The following SREBF2 variants were observed in gnomAD, a reference collection of about 807,000 sequenced individuals.
The protein encoded by SREBF2 is sterol regulatory element binding transcription factor 2, also known as sterol regulatory element-binding protein 2.
In SREBF2, 55 loss-of-function variants were observed where a neutral mutation model predicts 113.1. That is an observed-to-expected ratio of 0.49 (90% CI 0.39 to 0.61). SREBF2 has a LOEUF of 0.61. SREBF2 is among the 20% of genes least tolerant of loss of function. The pLI is 0.00. For synonymous variants in SREBF2, 593 were observed against 605.7 expected (o/e 0.98, Z 0.31); for missense variants, 1,349 against 1,487.4 (o/e 0.91, Z 1.53).
intron 1 of SREBF2, among the ~76,000 whole-genome samples, chr22:41,855,294 G>T (rs912390819): frequency 6.6e-6 from 1 of 152,170 alleles, no homozygotes; most frequent in African/African-American, 2.4e-5. Context: ...AGACTGAGGC[G>T]AGTGGATCAC....
intron 8 of SREBF2, 95 bp downstream of exon 8, chr22:41,877,516 C>G (rs1039213387): frequency 7.0e-7 from 1 of 1,420,162 alleles, no homozygotes. Context: ...GCTACCAGGT[C>G]CCAAAGGGCT....
chr22:41,866,935 G>GGCAGCAGTGGCAGCA lies in SREBF2; in HGVS notation c.201_215dup (p.Gly68_Ser72dup). On this transcript the variant is annotated inframe_insertion, in exon 2 of 19. Coordinates refer to ENST00000361204, the MANE Select transcript of SREBF2 (RefSeq NM_004599.4). ...CAGTGGTGGTAGTGGTAGCAGCAGC[G>GGCAGCAGTGGCAGCA]GCAGCAGTGGCAGCAGCAGCAGCAG... 6.2e-7 allele frequency: 1 copy of GGCAGCAGTGGCAGCA among 1,613,172 alleles called. No individual in the cohort carries two copies. The highest frequency in any genetic ancestry group is 1.1e-5 in the South Asian group (1 of 91,072).
chr22:41,841,651 C>G (rs768111387), intron 1 of SREBF2, among the ~76,000 whole-genome samples: 2 of 152,082 alleles, frequency 1.3e-5, no homozygotes, highest in Non-Finnish European at 2.9e-5. Flanking sequence ...TTGCTTCTTT[C>G]TCAACTAGAT....
rs774921535 is a variant in SREBF2 at position 41,894,923 on chromosome 22, G to A, written c.2481G>A (p.Gln827=). Residue 827 remains glutamine, a synonymous_variant, in exon 13 of 19, where the codon CAG becomes CAA. Transcript: ENST00000361204. ...AGGCCAAGAAGAAGGCTGGAGACCA[G>A]GAAGAAGAGAGCTGGTAAAGTCCCC... The part of the protein sequence containing the change: ...KPQAKKKAGD[Q]EEESCEFSSA... The A allele has an allele frequency of 2.0e-5, 33 of 1,613,792 alleles. No homozygotes were observed. The highest frequency in any genetic ancestry group is 2.8e-5 in the Non-Finnish European group (33 of 1,179,980).
intron 1 of SREBF2, among the ~76,000 whole-genome samples, chr22:41,844,480 A>C (rs1009807211): frequency 6.6e-6 from 1 of 152,222 alleles, no homozygotes; most frequent in Non-Finnish European, 1.5e-5. Flanking sequence ...CTTTGTTGAC[A>C]TGATGGAATT....
intron 16 of SREBF2, 22 bp from the exon 17 acceptor site, chr22:41,902,946 CCT>C (rs2077477119): frequency 6.2e-7 from 1 of 1,602,182 alleles, no homozygotes; most frequent in Non-Finnish European, 8.5e-7. Context: ...ACCTGTCTCC[CCT>C]CTCTCGTGGC....
rs183867270 is a variant in SREBF2, at chr22:41,877,439, G to T, written c.1579+18G>T. The T allele has an allele frequency of 1.2e-6, 2 of 1,613,376 alleles. No homozygotes were observed. The highest frequency in any genetic ancestry group is 3.3e-5 in the Admixed American group (2 of 59,930). Reference sequence around the variant, plus strand: ...CGAGTCAGGTAGGTGGAGGCCCCTTGCCCCACCTGGGCATGGCTGGACCAC... The same window carrying T: ...CGAGTCAGGTAGGTGGAGGCCCCTTTCCCCACCTGGGCATGGCTGGACCAC... On this transcript the variant is annotated intron_variant, in intron 8 of 18. Coordinates refer to ENST00000361204, the MANE Select transcript of SREBF2 (RefSeq NM_004599.4).
intron 4 of SREBF2, 178 bp from the exon 5 acceptor site, chr22:41,873,620 G>A: frequency 1.5e-6 from 1 of 649,344 alleles, no homozygotes; most frequent in Non-Finnish European, 2.8e-6. Flanking sequence ...AGTAACCAAG[G>A]TTCCGTGGCT....
chr22:41,895,038 A>G (rs1422811725), intron 13 of SREBF2, 101 bp downstream of exon 13: 2 of 915,730 alleles, frequency 2.2e-6, no homozygotes, highest in African/African-American at 1.6e-5. Flanking sequence ...CAAGCCTGGC[A>G]TCGGGTTGGC....
intron 10 of SREBF2, among the ~76,000 whole-genome samples, chr22:41,883,492 C>T (rs2077269379): frequency 6.6e-6 from 1 of 152,180 alleles, no homozygotes. Context: ...ACAGAATAAG[C>T]CCATACTCAG....
Position 41,860,775 on chromosome 22 carries a change from A to G in SREBF2, c.89-6056A>G, listed in dbSNP as rs781678911. ...GTGATGCATGCTTGTAGTCCCAGCT[A>G]CTCAGGAGTCTGAGGTGGGAGGATT... On this transcript the variant is annotated intron_variant, in intron 1 of 18. Transcript: ENST00000361204. Among the ~76,000 whole-genome samples, 148 of 152,092 alleles carry G rather than the reference A, an allele frequency of 9.7e-4. 1 individual carries two copies. Among genetic ancestry groups the G allele is most frequent in the Non-Finnish European group, 3.7e-4 (25 of 68,016 alleles).
chr22:41,894,564 C>T (rs1285382511), intron 12 of SREBF2, among the ~76,000 whole-genome samples: 1 of 152,094 alleles, frequency 6.6e-6, no homozygotes, highest in Non-Finnish European at 1.5e-5. Flanking sequence ...AGCACTGTGC[C>T]AGGAGACACA....
At chr22:41,900,924 G>A (rs759110644) in intron 16 of SREBF2, 12 of 536,966 alleles carry the variant, frequency 2.2e-5, no homozygotes, top group African/African-American at 7.6e-5. Context: ...TTGGCTGGCC[G>A]CATACCTCCT....
intron 15 of SREBF2, 181 bp downstream of exon 15, chr22:41,898,962 C>A (rs550026009): frequency 5.7e-6 from 5 of 881,900 alleles, no homozygotes; most frequent in Non-Finnish European, 8.9e-6. Flanking sequence ...GCCAGCAGGT[C>A]CTCTGTGCAA....
At chr22:41,867,664 G>A (rs1416443290) in intron 2 of SREBF2, among the ~76,000 whole-genome samples, 1 of 152,144 alleles carries the variant, frequency 6.6e-6, no homozygotes, top group Non-Finnish European at 1.5e-5. Context: ...AAAATTAGCC[G>A]GGCATGGTGG....
chr22:41,871,176 C>A, intron 4 of SREBF2, 141 bp downstream of exon 4: 1 of 1,191,620 alleles, frequency 8.4e-7, no homozygotes, highest in Non-Finnish European at 1.2e-6. Flanking sequence ...AAATGTCACC[C>A]CTCTTAGTTG....
intron 3 of SREBF2, among the ~76,000 whole-genome samples, chr22:41,870,056 A>G (rs1247539842): frequency 6.6e-6 from 1 of 151,900 alleles, no homozygotes; most frequent in African/African-American, 2.4e-5. Flanking sequence ...GGGTTTCACC[A>G]TGTTGGTTAG....
chr22:41,886,904 T>A (rs1355748732), intron 11 of SREBF2, among the ~76,000 whole-genome samples: 1 of 152,190 alleles, frequency 6.6e-6, no homozygotes, highest in African/African-American at 2.4e-5. Flanking sequence ...CGTGGTGGCA[T>A]GTGCCTATAA....
rs1418037630 is a variant in SREBF2, at chr22:41,867,099, C to G, written c.357C>G (p.Thr119=). The change falls in exon 2 of 19, where the codon ACC becomes ACG. Residue 119 remains threonine (T), a synonymous_variant. Coordinates refer to ENST00000361204, the MANE Select transcript of SREBF2 (RefSeq NM_004599.4). ...CTCTGCAAGTCAAGGTTTCTCCCAC[C>G]TCAGTTCCCACCACACCCAGGGCAA... ...APTLQVKVSP[T]SVPTTPRATP... 2 of 1,614,212 alleles carry G rather than the reference C, an allele frequency of 1.2e-6. No homozygotes were observed. Among genetic ancestry groups the G allele is most frequent in the Admixed American group, 1.7e-5 (1 of 60,020 alleles).
Sources: gnomAD v4.1 joint callset for allele counts (sites outside exome capture counted in the v4.1 genomes callset) on GRCh38, gnomAD v4.1.1 for gene constraint, MANE v1.5 for transcripts, NCBI Gene and HGNC (gene_info 2026-07-23, HGNC 2026-07-21) for gene names.